ACLY: variants seen among roughly 807,000 people sequenced by gnomAD.
The protein encoded by ACLY is ATP-citrate synthase.
A neutral mutation model predicts 133.0 loss-of-function variants in ACLY; 41 were observed. That is an observed-to-expected ratio of 0.31 (90% CI 0.24 to 0.40). The LOEUF is 0.40. ACLY is among the 10% of genes least tolerant of loss of function. The pLI is 1.00. For synonymous variants in ACLY, 495 were observed against 549.3 expected, an observed-to-expected ratio of 0.90 and a Z score of 1.38; for missense variants, 1,046 against 1,453.8, an observed-to-expected ratio of 0.72 and a Z score of 4.56.
Position 41,875,373 on chromosome 17 carries a change from C to A in ACLY, c.2488-1408G>T, listed in dbSNP as rs1243356365. 2.1e-5 allele frequency among the ~76,000 whole-genome samples: 3 copies of A among 142,520 alleles called. No individual in the cohort carries two copies. In the Admixed American group the frequency reaches 2.1e-4, roughly 10 times the overall value. The allele number at this position is 142,520 out of a possible 152,430, so 93.5% of individuals were successfully genotyped here. A position where few individuals can be genotyped will look rare whatever the true frequency, so the allele number is the denominator to read the frequency against. The stretch of plus-strand genomic sequence containing the variant: ...CTCAAAAAAAAAAAAAAAGGGGGGA[C>A]GAGATACGTGGCTAAAGAAATGGGG... On this transcript the variant is annotated intron_variant, in intron 22 of 28. Transcript: ENST00000352035.
At chr17:41,868,664 T>TG (rs2048526209) in intron 28 of ACLY, 45 bp downstream of exon 28, 3 of 1,500,394 alleles carry the variant, frequency 2.0e-6, no homozygotes, top group East Asian at 4.6e-5. Flanking sequence ...AGCTGAACCG[T>TG]GGGGTTTAAA....
In ACLY at chr17:41,886,313, G is replaced by C. The variant is rs782589571; in HGVS notation, c.1876-5C>G. 4 of 1,598,004 alleles carry C rather than the reference G, an allele frequency of 2.5e-6. No homozygotes were observed. The highest frequency in any genetic ancestry group is 1.7e-5 in the Admixed American group (1 of 58,742). ...CCCAGGCTTGATGCCTCCAACCTGTGGGGGCAGAAACCACAATCAGGGAGG... is the reference window on the plus strand; with the variant it reads ...CCCAGGCTTGATGCCTCCAACCTGTCGGGGCAGAAACCACAATCAGGGAGG... On this transcript the variant is annotated splice_region_variant and splice_polypyrimidine_tract_variant and intron_variant, in intron 17 of 28. Transcript: ENST00000352035.
chr17:41,906,535 C>T lies in ACLY; in HGVS notation c.859G>A (p.Val287Met), dbSNP rs369798437. ...TMVAGGGASV[V>M]YSDTICDLGG... ...GCAACCCCCTTCGGTCACCTGTACA[C>T]GACAGAGGCGCCACCCCCGGCCACC... The change falls in exon 8 of 29, where the codon GTG (valine) becomes ATG (methionine). Residue 287 changes from valine (V) to methionine (M), a missense_variant. Val to Met is a conservative substitution (Grantham distance 21). Coordinates refer to ENST00000352035, the MANE Select transcript of ACLY (RefSeq NM_001096.3). 2.5e-6 allele frequency: 4 copies of T among 1,613,918 alleles called. No homozygotes were observed. Among genetic ancestry groups the T allele is most frequent in the African/African-American group, 2.7e-5 (2 of 74,898 alleles).
intron 13 of ACLY, among the ~76,000 whole-genome samples, chr17:41,897,057 G>A (rs2144334033): frequency 6.6e-6 from 1 of 152,252 alleles, no homozygotes; most frequent in Non-Finnish European, 1.5e-5. Flanking sequence ...GGCCAGCATG[G>A]GGTTGACCCG....
chr17:41,926,736 G>A (rs1014818728), intron 1 of ACLY, among the ~76,000 whole-genome samples: 2 of 151,892 alleles, frequency 1.3e-5, no homozygotes, highest in South Asian at 2.1e-4. Flanking sequence ...TGATCCGCCC[G>A]CCTCGGCCTC....
chr17:41,887,127 G>GAAGAAAAA (rs2049070446), intron 17 of ACLY, among the ~76,000 whole-genome samples: 1 of 110,412 alleles, frequency 9.1e-6, no homozygotes, highest in Non-Finnish European at 1.8e-5. Context: ...CCGTCTCAAA[G>GAAGAAAAA]AAAAAAAAAA....
At chr17:41,877,069 A>G (rs1194507683) in intron 22 of ACLY, among the ~76,000 whole-genome samples, 2 of 152,134 alleles carry the variant, frequency 1.3e-5, no homozygotes, top group Admixed American at 6.5e-5. Flanking sequence ...ATTATCCTCT[A>G]TGAATTTTTA....
In ACLY at chr17:41,905,631, G is replaced by T. The variant is rs1287329530; in HGVS notation, c.894C>A (p.Val298=). The change falls in exon 9 of 29, where the codon GTC becomes GTA. Residue 298 remains valine, a synonymous_variant. Coordinates refer to ENST00000352035, the MANE Select transcript of ACLY (RefSeq NM_001096.3). ...ACTCCCCATAGTTTGCCAGCTCGTTGACACCCCCTAGATCACAGATGGTAT... is the reference window on the plus strand; with the variant it reads ...ACTCCCCATAGTTTGCCAGCTCGTTTACACCCCCTAGATCACAGATGGTAT... The part of the protein sequence containing the change: ...YSDTICDLGG[V]NELANYGEYS... 1 of 1,614,066 alleles carries T rather than the reference G, an allele frequency of 6.2e-7. No individual in the cohort carries two copies. Among genetic ancestry groups the T allele is most frequent in the Non-Finnish European group, 8.5e-7 (1 of 1,180,038 alleles).
chr17:41,919,164 A>C, upstream of ACLY: 1 of 922,752 alleles, frequency 1.1e-6, no homozygotes, highest in Non-Finnish European at 1.4e-6. Context: ...TGGCCCATCC[A>C]CCGCCTCTTG....
intron 1 of ACLY, among the ~76,000 whole-genome samples, chr17:41,915,166 T>C (rs1555634311): frequency 6.6e-6 from 1 of 152,082 alleles, no homozygotes; most frequent in African/African-American, 2.4e-5. Context: ...TTTCATCATC[T>C]CCCCTCTCCA....
Position 41,867,804 on chromosome 17 carries a change from GCT to G in ACLY, c.*4_*5del. Reference sequence around the variant, plus strand: ...TCAGTTTACTGCAGTAGGGTTCCTGGCTCTGTTACATGCTCATGTGTTCCGGA... The same window carrying G: ...TCAGTTTACTGCAGTAGGGTTCCTGGCTGTTACATGCTCATGTGTTCCGGA... On this transcript the variant is annotated 3_prime_UTR_variant, in exon 29 of 29. Coordinates refer to ENST00000352035, the MANE Select transcript of ACLY (RefSeq NM_001096.3). 2 of 1,603,752 alleles carry G rather than the reference GCT, an allele frequency of 1.2e-6. No individual in the cohort carries two copies. Among genetic ancestry groups the G allele is most frequent in the South Asian group, 1.1e-5 (1 of 89,766 alleles).
chr17:41,919,157 C>G, upstream of ACLY: 1 of 997,670 alleles, frequency 1.0e-6, no homozygotes, highest in Non-Finnish European at 1.3e-6. Context: ...GTCCCGCTGG[C>G]CCATCCACCG....
intron 20 of ACLY, among the ~76,000 whole-genome samples, chr17:41,882,920 C>T (rs1221750815): frequency 2.0e-5 from 3 of 152,224 alleles, no homozygotes; most frequent in Non-Finnish European, 4.4e-5. Flanking sequence ...TAGCTTTAAT[C>T]TGCTTATAAA....
In ACLY at chr17:41,897,823, C is replaced by T; in HGVS notation, c.1355G>A (p.Arg452Lys). 3 of 1,613,544 alleles carry T rather than the reference C, an allele frequency of 1.9e-6. No individual in the cohort carries two copies. The highest frequency in any genetic ancestry group is 2.5e-6 in the Non-Finnish European group (3 of 1,179,792). ...CCTGGACTCAGAAAAAGATGCTGTC[C>T]TGCTGGGGGCTGGCGTCTGGGGTGA... ...SGSTSTPAPS[R>K]TASFSESRAD... is the part of the protein sequence containing the mutation. Residue 452 changes from arginine to lysine, a missense_variant, in exon 13 of 29, where the codon AGG becomes AAG. Transcript: ENST00000352035.
rs150561917 is a variant in ACLY, at chr17:41,907,467, G to C, written c.722C>G (p.Pro241Arg). The change falls in exon 7 of 29, where the codon CCC becomes CGC. Residue 241 changes from proline (P) to arginine (R), a missense_variant. This residue lies in a region of ACLY where 575 missense variants were observed against 804.2 expected (regional missense o/e 0.71). Transcript: ENST00000352035. ...VKWGDIEFPP[P>R]FGREAYPEEA... ...CTCTGGATATGCCTCCCGCCCGAAG[G>C]GGGGAGGGAACTCGATGTCACCCCA... The C allele has an allele frequency of 8.7e-5, 141 of 1,613,998 alleles. No homozygotes were observed. The highest frequency in any genetic ancestry group is 2.0e-4 in the East Asian group (9 of 44,848).
chr17:41,922,370 CAAAA>C (rs1164362085), upstream of ACLY, among the ~76,000 whole-genome samples: 4 of 30,928 alleles, frequency 1.3e-4, no homozygotes, highest in African/African-American at 4.3e-4. Context: ...CAGAGCGAGA[CAAAA>C]AAAAAAAAAA....
chr17:41,869,376 G>A (rs2048541617), intron 26 of ACLY, 98 bp downstream of exon 26: 1 of 1,038,720 alleles, frequency 9.6e-7, no homozygotes. Flanking sequence ...AGAAAACTAG[G>A]TTTGCTTTTA....
intron 14 of ACLY, among the ~76,000 whole-genome samples, chr17:41,893,621 T>C (rs1555629815): frequency 1.3e-5 from 2 of 152,224 alleles, no homozygotes; most frequent in Non-Finnish European, 1.5e-5. Flanking sequence ...CAACAATGCT[T>C]ATTACCCTGT....
chr17:41,906,494 G>C (rs1333984591), intron 8 of ACLY, 34 bp downstream of exon 8: 2 of 1,579,854 alleles, frequency 1.3e-6, no homozygotes, highest in Admixed American at 3.3e-5. Context: ...GGGTAGACTG[G>C]GCTGGCATCC....
Sources: gnomAD v4.1 joint callset for allele counts (sites outside exome capture counted in the v4.1 genomes callset) on GRCh38, gnomAD v4.1.1 for gene constraint, gnomAD v4.1.1 regional missense constraint, MANE v1.5 for transcripts, NCBI Gene and HGNC (gene_info 2026-07-23, HGNC 2026-07-21) for gene names.